MCPH1: variants seen among roughly 807,000 people sequenced by gnomAD.
MCPH1 encodes microcephalin 1, also known as microcephalin.
Under a neutral mutation model 84.5 loss-of-function variants are expected in MCPH1, and 104 were observed. That is an observed-to-expected ratio of 1.23 (90% CI 1.05 to 1.45). MCPH1 has a LOEUF of 1.45. MCPH1 is among the 40% of genes most tolerant of loss of function. The pLI is 0.00. For missense variants in MCPH1, 1,498 were observed against 1,005.7 expected, an observed-to-expected ratio of 1.49 and a Z score of -6.62; for synonymous variants, 514 against 366.8, an observed-to-expected ratio of 1.40 and a Z score of -4.58.
In MCPH1 at chr8:6,459,607, A is replaced by T. The variant is rs150478468; in HGVS notation, c.1935+4355A>T. Among the ~76,000 whole-genome samples, 185 of 152,344 alleles carry T rather than the reference A, an allele frequency of 1.2e-3. 3 individuals carry two copies. In the East Asian group the frequency reaches 0.03, roughly 24 times the overall value. ...AGCAATGCCTCTACTAGAATGGAGA[A>T]CAGTAAGGTCTGGGCCTGACATTTT... On this transcript the variant is annotated intron_variant, in intron 9 of 13. Coordinates refer to ENST00000344683, the MANE Select transcript of MCPH1 (RefSeq NM_024596.5).
At chr8:6,481,580 A>C (rs1481422247) in intron 11 of MCPH1, among the ~76,000 whole-genome samples, 1 of 152,164 alleles carries the variant, frequency 6.6e-6, no homozygotes, top group Non-Finnish European at 1.5e-5. Flanking sequence ...CTCTCCCAAG[A>C]ATGTATTCTA....
intron 12 of MCPH1, among the ~76,000 whole-genome samples, chr8:6,528,346 G>A (rs758113828): frequency 6.6e-6 from 1 of 152,172 alleles, no homozygotes; most frequent in African/African-American, 2.4e-5. Flanking sequence ...TAGGTGGAAA[G>A]TATTTTCCCT....
At chr8:6,428,079 G>A (rs1028545908) in intron 3 of MCPH1, among the ~76,000 whole-genome samples, 3 of 152,008 alleles carry the variant, frequency 2.0e-5, no homozygotes, top group East Asian at 3.9e-4. Context: ...ACCACGCCTC[G>A]CCTATACTGT....
intron 12 of MCPH1, among the ~76,000 whole-genome samples, chr8:6,509,311 G>T (rs948338474): frequency 1.3e-5 from 2 of 152,162 alleles, no homozygotes; most frequent in Non-Finnish European, 2.9e-5. Flanking sequence ...TATCAGAAGC[G>T]ACTGTAGAGC....
At chr8:6,586,196 A>G (rs560069051) in intron 12 of MCPH1, among the ~76,000 whole-genome samples, 1 of 152,208 alleles carries the variant, frequency 6.6e-6, no homozygotes, top group African/African-American at 2.4e-5. Context: ...ACTGGGCTCA[A>G]GTGATCCTCC....
At chr8:6,638,646 C>T (rs1022464034) in intron 13 of MCPH1, among the ~76,000 whole-genome samples, 1 of 151,672 alleles carries the variant, frequency 6.6e-6, no homozygotes, top group Non-Finnish European at 1.5e-5. Context: ...AGTTCAGCTT[C>T]CTATTCATCT....
At chr8:6,407,516 G>C (rs909545836) in intron 1 of MCPH1, among the ~76,000 whole-genome samples, 1 of 152,126 alleles carries the variant, frequency 6.6e-6, no homozygotes, top group Non-Finnish European at 1.5e-5. Context: ...CAGGAGAGGG[G>C]AATAGCGGAC....
At chr8:6,497,083 T>A (rs1490088770) in intron 11 of MCPH1, among the ~76,000 whole-genome samples, 1 of 152,186 alleles carries the variant, frequency 6.6e-6, no homozygotes, top group African/African-American at 2.4e-5. Context: ...AATTAATGAA[T>A]AAAAACTAAT....
chr8:6,508,040 A>G (rs1005092508), intron 12 of MCPH1: 1 of 152,230 alleles, frequency 6.6e-6, no homozygotes, highest in African/African-American at 2.4e-5. Context: ...CAAACCTACA[A>G]TACAAGAAAG....
At chr8:6,521,519 A>T (rs556519372) in intron 12 of MCPH1, 2 of 800,440 alleles carry the variant, frequency 2.5e-6, no homozygotes, top group Non-Finnish European at 3.8e-6. Flanking sequence ...TGTAGTGGTT[A>T]TAAAGTAATA....
At chr8:6,473,817 A>T (rs755310722) in intron 9 of MCPH1, 7 of 1,250,252 alleles carry the variant, frequency 5.6e-6, no homozygotes, top group Non-Finnish European at 7.5e-6. Context: ...AGCAAGAGTG[A>T]TTGTAAAGTA....
chr8:6,442,151 G>C lies in MCPH1; in HGVS notation c.665G>C (p.Cys222Ser). ...APLNISRDTL[C>S]SDEYFAGGLH... The stretch of plus-strand genomic sequence containing the variant: ...TTGAACATTTCACGTGATACTTTGT[G>C]TTCAGGTAAAATTTTTATTTTCCTT... The change falls in exon 7 of 14, where the codon TGT (cysteine) becomes TCT (serine). Residue 222 changes from cysteine to serine, a missense_variant. Physicochemically the swap from Cys to Ser is moderately radical, Grantham distance 112. Transcript: ENST00000344683. 6.2e-7 allele frequency: 1 copy of C among 1,601,194 alleles called. No individual in the cohort carries two copies. The highest frequency in any genetic ancestry group is 1.1e-5 in the South Asian group (1 of 90,768).
intron 4 of MCPH1, among the ~76,000 whole-genome samples, chr8:6,432,616 G>A (rs1802011391): frequency 6.6e-6 from 1 of 152,230 alleles, no homozygotes; most frequent in Non-Finnish European, 1.5e-5. Context: ...CTCTGTTAGA[G>A]GGAGGATTTG....
intron 12 of MCPH1, among the ~76,000 whole-genome samples, chr8:6,576,028 C>T (rs900453117): frequency 1.4e-5 from 2 of 139,678 alleles, no homozygotes; most frequent in African/African-American, 2.7e-5. Flanking sequence ...TACAACAACC[C>T]TAGCAAACTA....
At chr8:6,483,609 A>G (rs540461030) in intron 11 of MCPH1, among the ~76,000 whole-genome samples, 5 of 152,308 alleles carry the variant, frequency 3.3e-5, no homozygotes, top group South Asian at 4.1e-4. Flanking sequence ...ACAATCAAGA[A>G]AAGGAACCTT....
chr8:6,642,334 T>A (rs1034100058), intron 13 of MCPH1, among the ~76,000 whole-genome samples: 1 of 152,172 alleles, frequency 6.6e-6, no homozygotes, highest in Non-Finnish European at 1.5e-5. Context: ...AGGGGTTGTT[T>A]CCGCCAGCTG....
chr8:6,463,882 A>T (rs1806553795), intron 9 of MCPH1, among the ~76,000 whole-genome samples: 1 of 152,184 alleles, frequency 6.6e-6, no homozygotes, highest in Non-Finnish European at 1.5e-5. Flanking sequence ...TTTCCATTAG[A>T]TGGTGCACTT....
At chr8:6,464,178 C>A (rs531031699) in intron 9 of MCPH1, among the ~76,000 whole-genome samples, 1 of 152,290 alleles carries the variant, frequency 6.6e-6, no homozygotes, top group Non-Finnish European at 1.5e-5. Context: ...ATCGAAGGTG[C>A]CCTTGGTTTC....
At chr8:6,472,662 T>G (rs532261527) in intron 9 of MCPH1, among the ~76,000 whole-genome samples, 1 of 152,254 alleles carries the variant, frequency 6.6e-6, no homozygotes, top group East Asian at 1.9e-4. Context: ...GAGATGGGGT[T>G]TCGCCATGGT....
Sources: gnomAD v4.1 joint callset for allele counts (sites outside exome capture counted in the v4.1 genomes callset) on GRCh38, gnomAD v4.1.1 for gene constraint, MANE v1.5 for transcripts, NCBI Gene and HGNC (gene_info 2026-07-23, HGNC 2026-07-21) for gene names.